Variants in CHN1 observed in about 807,000 individuals in gnomAD.
CHN1 encodes chimerin 1.
Under a neutral mutation model 59.5 loss-of-function variants are expected in CHN1, and 37 were observed. The ratio of observed to expected loss-of-function variants is 0.62; its 90% CI spans 0.48 to 0.82. The LOEUF is 0.82. CHN1 is among the 40% of genes least tolerant of loss of function. The probability of loss-of-function intolerance (pLI) is 0.00; values close to 1 mark genes in which losing one functional copy is unlikely to be tolerated. For synonymous variants in CHN1, 206 were observed against 200.4 expected (o/e 1.03, Z -0.24); for missense variants, 469 against 571.0 (o/e 0.82, Z 1.82).
At chr2:174,847,271 G>A in intron 6 of CHN1, 1 of 1,377,736 alleles carries the variant, frequency 7.3e-7, no homozygotes, top group Non-Finnish European at 9.3e-7. Flanking sequence ...CGGAGAGGTG[G>A]AGGAGGAGGA....
chr2:174,966,337 A>G lies in CHN1; in HGVS notation c.20-14135T>C, dbSNP rs560924795. ...CCCAGAACCGTTAATACTCAGGAAG[A>G]AAAAAAAAAACAAACACTTCTGAAA... is the stretch of plus-strand genomic sequence containing the variant. On this transcript the variant is annotated intron_variant, in intron 1 of 12. Coordinates refer to ENST00000409900, the MANE Select transcript of CHN1 (RefSeq NM_001822.7). 4.1e-5 allele frequency among the ~76,000 whole-genome samples: 6 copies of G among 146,278 alleles called. No homozygotes were observed. In the East Asian group the frequency reaches 1.2e-3, roughly 29 times the overall value.
At chr2:174,882,171 T>C (rs1687757310) in intron 5 of CHN1, among the ~76,000 whole-genome samples, 2 of 152,198 alleles carry the variant, frequency 1.3e-5, no homozygotes, top group African/African-American at 4.8e-5. Context: ...TTCAGCAAGA[T>C]GAAAATTCAT....
At chr2:174,805,967 C>T (rs1463197862) in intron 11 of CHN1, among the ~76,000 whole-genome samples, 1 of 152,130 alleles carries the variant, frequency 6.6e-6, no homozygotes, top group Non-Finnish European at 1.5e-5. Flanking sequence ...TTCTCAGAAT[C>T]CTTGGCCAGA....
chr2:174,817,840 T>G (rs549280581), intron 8 of CHN1, among the ~76,000 whole-genome samples: 1 of 152,136 alleles, frequency 6.6e-6, no homozygotes, highest in Non-Finnish European at 1.5e-5. Flanking sequence ...AGTTTCACCG[T>G]GTTAGCCAGG....
chr2:174,856,798 C>T (rs764133620), intron 6 of CHN1, among the ~76,000 whole-genome samples: 1 of 152,146 alleles, frequency 6.6e-6, no homozygotes, highest in Non-Finnish European at 1.5e-5. Flanking sequence ...AAGGTTCATA[C>T]TCATTTAGCA....
chr2:174,992,633 T>C (rs770956768), intron 1 of CHN1, among the ~76,000 whole-genome samples: 8 of 152,212 alleles, frequency 5.3e-5, no homozygotes, highest in Non-Finnish European at 8.8e-5. Flanking sequence ...AAGATGACAC[T>C]TGTGACAAGA....
At chr2:174,955,109 C>CTATAGATCTATAGATCTAA (rs1439646705) in intron 1 of CHN1, among the ~76,000 whole-genome samples, 7 of 148,250 alleles carry the variant, frequency 4.7e-5, no homozygotes, top group Non-Finnish European at 7.4e-5. Context: ...ATATATAGAT[C>CTATAGATCTATAGATCTAA]TATAGATCTA....
At chr2:174,946,904 A>C (rs905257574) in intron 2 of CHN1, among the ~76,000 whole-genome samples, 3 of 146,796 alleles carry the variant, frequency 2.0e-5, no homozygotes, top group African/African-American at 7.7e-5. Flanking sequence ...AAAATGTAAA[A>C]AAAAAAAAAA....
chr2:174,827,151 T>C (rs1034937953), intron 7 of CHN1, among the ~76,000 whole-genome samples: 5 of 152,218 alleles, frequency 3.3e-5, no homozygotes, highest in African/African-American at 1.2e-4. Flanking sequence ...GTAACCTCTA[T>C]GACTCTATGA....
intron 2 of CHN1, among the ~76,000 whole-genome samples, chr2:174,948,578 T>C (rs1341138090): frequency 6.6e-6 from 1 of 152,236 alleles, no homozygotes; most frequent in African/African-American, 2.4e-5. Flanking sequence ...AAGTACAAGA[T>C]AGGCATGGGT....
At chr2:174,928,945 T>C (rs1044358214) in intron 3 of CHN1, among the ~76,000 whole-genome samples, 2 of 152,146 alleles carry the variant, frequency 1.3e-5, no homozygotes, top group African/African-American at 4.8e-5. Flanking sequence ...GAGGAATACT[T>C]ATAAAAGACC....
At chr2:174,839,242 T>C (rs368631912) in intron 7 of CHN1, among the ~76,000 whole-genome samples, 35 of 152,286 alleles carry the variant, frequency 2.3e-4, no homozygotes, top group African/African-American at 6.0e-4. Context: ...ACATTGTTAT[T>C]AACTGTAAGA....
chr2:174,885,129 A>G (rs1009112497), intron 5 of CHN1, among the ~76,000 whole-genome samples: 1 of 151,582 alleles, frequency 6.6e-6, no homozygotes, highest in East Asian at 1.9e-4. Flanking sequence ...CTACTAAAAA[A>G]AAAAAAAATC....
chr2:174,881,294 T>C (rs1377372635), intron 5 of CHN1, among the ~76,000 whole-genome samples: 1 of 152,152 alleles, frequency 6.6e-6, no homozygotes, highest in African/African-American at 2.4e-5. Flanking sequence ...AGTCTTCTCC[T>C]GTAGTCTTGA....
At chr2:174,921,515 C>T (rs550500092) in intron 3 of CHN1, among the ~76,000 whole-genome samples, 62 of 152,046 alleles carry the variant, frequency 4.1e-4, no homozygotes, top group African/African-American at 1.5e-3. Context: ...ATTTTCATGT[C>T]TATAGGAGAG....
Position 175,005,342 on chromosome 2 carries a change from CG to C in CHN1, c.-431del. ...GGCGGGGCGCGCTCACTCCGCATCC[CG>C]CGGCCTCGCAGACGCCATCTTGCGA... On this transcript the variant is annotated 5_prime_UTR_variant, in exon 1 of 13. An upstream open reading frame in the 5' UTR loses its in-frame stop. Coordinates refer to ENST00000409900, the MANE Select transcript of CHN1 (RefSeq NM_001822.7). 1 of 1,156,650 alleles carries C rather than the reference CG, an allele frequency of 8.6e-7. No individual in the cohort carries two copies. The allele number at this position is 1,156,650 out of a possible 1,614,324, so 71.6% of individuals were successfully genotyped here. A position where few individuals can be genotyped will look rare whatever the true frequency, so the allele number is the denominator to read the frequency against.
At chr2:174,982,010 T>C (rs566592912) in intron 1 of CHN1, among the ~76,000 whole-genome samples, 10 of 152,246 alleles carry the variant, frequency 6.6e-5, no homozygotes, top group Admixed American at 1.3e-4. Context: ...TGTGTTCTCA[T>C]TGTTCAATTC....
intron 3 of CHN1, among the ~76,000 whole-genome samples, chr2:174,927,049 C>A (rs893232223): frequency 6.6e-6 from 1 of 152,026 alleles, no homozygotes; most frequent in African/African-American, 2.4e-5. Flanking sequence ...TGAGCCACTG[C>A]GCCCGGCCTA....
intron 2 of CHN1, among the ~76,000 whole-genome samples, chr2:174,945,638 T>G (rs1489219589): frequency 6.6e-6 from 1 of 152,172 alleles, no homozygotes; most frequent in African/African-American, 2.4e-5. Context: ...ATAGGATGTG[T>G]GGCTATATAT....
Sources: allele counts gnomAD v4.1 joint callset (sites outside exome capture counted in the v4.1 genomes callset), GRCh38; gene constraint gnomAD v4.1.1; transcripts MANE v1.5; gene names NCBI Gene and HGNC (gene_info 2026-07-23, HGNC 2026-07-21).